Variants in PRICKLE2 observed in about 807,000 individuals in gnomAD.
The protein encoded by PRICKLE2 is prickle-like protein 2.
PRICKLE2 carries 21 observed loss-of-function variants against 81.4 expected under a neutral mutation model. That is an observed-to-expected ratio of 0.26 (90% CI 0.18 to 0.37). The LOEUF (loss-of-function observed/expected upper bound fraction) is 0.37, where lower values mean the gene tolerates loss of function less well. PRICKLE2 is among the 10% of genes least tolerant of loss of function. The pLI is 1.00. For synonymous variants in PRICKLE2, 456 were observed against 421.5 expected (o/e 1.08, Z -1.00); for missense variants, 940 against 1,109.0 (o/e 0.85, Z 2.16).
At chr3:64,156,755 G>A (rs2077641552) in intron 5 of PRICKLE2, among the ~76,000 whole-genome samples, 1 of 152,116 alleles carries the variant, frequency 6.6e-6, no homozygotes, top group African/African-American at 2.4e-5. Flanking sequence ...TTGCAGCAGT[G>A]AATCTTGGAA....
intron 4 of PRICKLE2, among the ~76,000 whole-genome samples, chr3:64,158,011 G>A (rs1173479982): frequency 6.6e-6 from 1 of 152,204 alleles, no homozygotes; most frequent in Non-Finnish European, 1.5e-5. Context: ...ATTTTCTCAA[G>A]TTCCCTCTTG....
intron 1 of PRICKLE2, among the ~76,000 whole-genome samples, chr3:64,221,449 A>C (rs991254683): frequency 2.6e-5 from 4 of 151,624 alleles, no homozygotes; most frequent in Non-Finnish European, 4.4e-5. Flanking sequence ...ACACACACAC[A>C]CACACACACG....
At chr3:64,101,196 C>A (rs1425002032) in intron 7 of PRICKLE2, 1 of 152,188 alleles carries the variant, frequency 6.6e-6, no homozygotes, top group Non-Finnish European at 1.5e-5. Context: ...TCCATCTTCA[C>A]TCTTGATTAT....
chr3:64,153,637 G>A (rs1449116058), intron 5 of PRICKLE2: 1 of 439,470 alleles, frequency 2.3e-6, no homozygotes, highest in Non-Finnish European at 4.2e-6. Context: ...TTCTACCCTG[G>A]AGAATATAAG....
intron 7 of PRICKLE2, among the ~76,000 whole-genome samples, chr3:64,110,230 A>G (rs545743170): frequency 3.9e-5 from 6 of 152,244 alleles, no homozygotes; most frequent in Non-Finnish European, 8.8e-5. Flanking sequence ...GCTGCTTTCT[A>G]GAACCCATTA....
Position 64,094,041 on chromosome 3 carries a change from CAG to C in PRICKLE2, c.*5008_*5009del, listed in dbSNP as rs1166476097. On this transcript the variant is annotated 3_prime_UTR_variant, in exon 8 of 8. Transcript: ENST00000638394. ...TTAACAAATAGCTTGACACTCAACA[CAG>C]AACACAGACTCTGGCCTGCCTCACC... 1.3e-5 allele frequency: 2 copies of C among 152,636 alleles called. No homozygotes were observed. Among genetic ancestry groups the C allele is most frequent in the African/African-American group, 4.8e-5 (2 of 41,438 alleles). The allele number at this position is 152,636 out of a possible 1,614,324, so 9.5% of individuals were successfully genotyped here. A position where few individuals can be genotyped will look rare whatever the true frequency, so the allele number is the denominator to read the frequency against.
chr3:64,170,411 G>A (rs919616660), intron 2 of PRICKLE2, among the ~76,000 whole-genome samples: 5 of 152,158 alleles, frequency 3.3e-5, no homozygotes. Context: ...ACCCCTGCAG[G>A]ACCAGTCTAG....
chr3:64,111,231 G>A (rs145480191), intron 7 of PRICKLE2, among the ~76,000 whole-genome samples: 1 of 152,296 alleles, frequency 6.6e-6, no homozygotes, highest in African/African-American at 2.4e-5. Context: ...CTGGTGCGGG[G>A]ACACCAATGA....
rs372225003 is a variant in PRICKLE2 at position 64,146,832 on chromosome 3, G to C, written c.1658C>G (p.Thr553Arg). The change falls in exon 7 of 8, where the codon ACA (threonine) becomes AGA (arginine). Residue 553 changes from threonine to arginine, a missense_variant and splice_region_variant. Physicochemically the swap from Thr to Arg is moderately conservative, Grantham distance 71. This residue lies in a region of PRICKLE2 where 670 missense variants were observed against 717.2 expected (regional missense o/e 0.93). Coordinates refer to ENST00000638394, the MANE Select transcript of PRICKLE2 (RefSeq NM_198859.4). ...TTTTCAAGGTGAACAGAACCTACCT[G>C]TTGCATTAGACAGGGCCAGGGATTC... ...SMESLALSNA[T>R]GLSADGGAKR... is the part of the protein sequence containing the mutation. 6.2e-7 allele frequency: 1 copy of C among 1,613,956 alleles called. No individual in the cohort carries two copies. The highest frequency in any genetic ancestry group is 1.3e-5 in the African/African-American group (1 of 74,892).
At chr3:64,183,441 C>G (rs2078168388) in intron 2 of PRICKLE2, among the ~76,000 whole-genome samples, 2 of 151,818 alleles carry the variant, frequency 1.3e-5, no homozygotes, top group Admixed American at 6.6e-5. Context: ...TATAGTATAA[C>G]CATAGGTTAT....
At position 64,216,570 on chromosome 3, in the gene PRICKLE2, C is replaced by T. The variant is rs527585164; in HGVS notation, c.-41+8340G>A. Reference sequence around the variant, plus strand: ...GATATCATAGTTACCATTTAGGATGCTGCATCTTAGCAATTCAGTGGTGCA... The same window carrying T: ...GATATCATAGTTACCATTTAGGATGTTGCATCTTAGCAATTCAGTGGTGCA... On this transcript the variant is annotated intron_variant, in intron 1 of 7. Coordinates refer to ENST00000638394, the MANE Select transcript of PRICKLE2 (RefSeq NM_198859.4). 2.6e-5 allele frequency among the ~76,000 whole-genome samples: 4 copies of T among 152,288 alleles called. No individual in the cohort carries two copies. The East Asian group carries it at 7.7e-4, about 29-fold the overall frequency.
rs754565116 is a variant in PRICKLE2 at position 64,096,694 on chromosome 3, A to G, written c.*2357T>C. 1.3e-5 allele frequency: 2 copies of G among 152,518 alleles called. No homozygotes were observed. The highest frequency in any genetic ancestry group is 2.9e-5 in the Non-Finnish European group (2 of 68,012). 9.4% of individuals were successfully genotyped at this position (152,518 alleles called of 1,614,324 possible). Reference sequence around the variant, plus strand: ...CTTATGCCTCCAGACCCCTCCGGGCACTGGCCATGTGTCAGTTTTTAGGCC... The same window carrying G: ...CTTATGCCTCCAGACCCCTCCGGGCGCTGGCCATGTGTCAGTTTTTAGGCC... On this transcript the variant is annotated 3_prime_UTR_variant, in exon 8 of 8. Transcript: ENST00000638394.
intron 7 of PRICKLE2, among the ~76,000 whole-genome samples, chr3:64,115,511 A>C (rs1096260): frequency 0.42 from 64,520 of 152,012 alleles, 14,050 homozygotes; most frequent in East Asian, 0.55. Flanking sequence ...AAAACCTACC[A>C]AGCAAATGGA....
At chr3:64,180,295 G>A (rs970975143) in intron 2 of PRICKLE2, among the ~76,000 whole-genome samples, 1 of 152,136 alleles carries the variant, frequency 6.6e-6, no homozygotes, top group Non-Finnish European at 1.5e-5. Context: ...ATGTATGTAT[G>A]TGTTTATTTA....
chr3:64,104,369 A>G (rs2076720560), intron 7 of PRICKLE2: 2 of 152,256 alleles, frequency 1.3e-5, no homozygotes, highest in South Asian at 4.1e-4. Flanking sequence ...AGGTGGACAC[A>G]ATGATCTTTG....
chr3:64,227,773 T>C (rs1364505551), upstream of PRICKLE2, among the ~76,000 whole-genome samples: 4 of 152,190 alleles, frequency 2.6e-5, no homozygotes, highest in African/African-American at 9.6e-5. Flanking sequence ...GCCTGTTACA[T>C]AGCAAACACT....
chr3:64,202,177 A>T (rs1180025554), intron 1 of PRICKLE2, among the ~76,000 whole-genome samples: 1 of 152,212 alleles, frequency 6.6e-6, no homozygotes, highest in East Asian at 1.9e-4. Context: ...ATATGAGTCA[A>T]GCAATTTTTG....
In PRICKLE2 at chr3:64,142,790, A is replaced by G. The variant is rs560046364; in HGVS notation, c.1660+4040T>C. Among the ~76,000 whole-genome samples the G allele has an allele frequency of 4.6e-5, 7 of 152,336 alleles. No individual in the cohort carries two copies. The South Asian group carries it at 1.4e-3, about 32-fold the overall frequency. ...GGTCATATGTGTCAAAGACTATATT[A>G]ATGATTTTAAACGCAATTATCATTT... On this transcript the variant is annotated intron_variant, in intron 7 of 7. Coordinates refer to ENST00000638394, the MANE Select transcript of PRICKLE2 (RefSeq NM_198859.4).
chr3:64,142,289 C>CAGGCAGG (rs145814500), intron 7 of PRICKLE2, among the ~76,000 whole-genome samples: 2 of 149,626 alleles, frequency 1.3e-5, no homozygotes, highest in Non-Finnish European at 3.0e-5. Flanking sequence ...AAGGAGCCTG[C>CAGGCAGG]AGGAGTATTT....
Sources: gnomAD v4.1 joint callset for allele counts (sites outside exome capture counted in the v4.1 genomes callset) on GRCh38, gnomAD v4.1.1 for gene constraint, gnomAD v4.1.1 regional missense constraint, MANE v1.5 for transcripts, NCBI Gene and HGNC (gene_info 2026-07-23, HGNC 2026-07-21) for gene names.